The following MND1 variants were observed in gnomAD, a reference collection of about 807,000 sequenced individuals.
MND1 encodes the protein meiotic nuclear divisions 1, also known as meiotic nuclear division protein 1 homolog.
MND1 carries 28 observed loss-of-function variants against 35.1 expected under a neutral mutation model. That is an observed-to-expected ratio of 0.80 (90% CI 0.59 to 1.09). The LOEUF is 1.09. MND1 is among the 50% of genes least tolerant of loss of function. MND1 has a pLI of 0.00. For missense variants in MND1, 213 were observed against 239.6 expected, an observed-to-expected ratio of 0.89 and a Z score of 0.73; for synonymous variants, 69 against 70.5, an observed-to-expected ratio of 0.98 and a Z score of 0.11.
intron 4 of MND1, among the ~76,000 whole-genome samples, chr4:153,362,324 C>T (rs192654882): frequency 4.6e-5 from 7 of 152,214 alleles, no homozygotes; most frequent in Non-Finnish European, 5.9e-5. Flanking sequence ...ATCTTGGGGG[C>T]GGTTTCTCAT....
chr4:153,372,894 T>A (rs1328074511), intron 4 of MND1, among the ~76,000 whole-genome samples: 1 of 152,216 alleles, frequency 6.6e-6, no homozygotes, highest in Admixed American at 6.5e-5. Context: ...TGCATAGACA[T>A]TAAGGATTAT....
At chr4:153,370,482 T>A (rs1773763972) in intron 4 of MND1, among the ~76,000 whole-genome samples, 1 of 152,052 alleles carries the variant, frequency 6.6e-6, no homozygotes, top group Admixed American at 6.5e-5. Context: ...ATTATTAATG[T>A]TGATGTTTTG....
chr4:153,344,730 C>G lies in MND1; in HGVS notation c.-8C>G. On this transcript the variant is annotated 5_prime_UTR_variant, in exon 1 of 8. Coordinates refer to ENST00000240488, the MANE Select transcript of MND1 (RefSeq NM_032117.4). ...GGCCCGGCCAGCGGAAGCCCCTGCG[C>G]CCGCGCCATGGTAAGGACTGAGGCT... The G allele has an allele frequency of 6.3e-7, 1 of 1,596,062 alleles. No homozygotes were observed. The highest frequency in any genetic ancestry group is 8.5e-7 in the Non-Finnish European group (1 of 1,172,586).
rs549013557 is a variant in MND1, at chr4:153,344,840, A to C, written c.3+100A>C. The C allele has an allele frequency of 5.3e-6, 8 of 1,519,860 alleles. No homozygotes were observed. The African/African-American group carries it at 8.6e-5, about 16-fold the overall frequency. 94.1% of individuals were successfully genotyped at this position (1,519,860 alleles called of 1,614,324 possible). The stretch of plus-strand genomic sequence containing the variant: ...GGATCCCGGCCTGGCGTTGACCGCC[A>C]TTCCGGGCCGCGGGAGCGGTCGCCC... On this transcript the variant is annotated intron_variant, in intron 1 of 7. Transcript: ENST00000240488.
chr4:153,360,339 A>G (rs552208590), intron 4 of MND1, among the ~76,000 whole-genome samples: 2 of 152,052 alleles, frequency 1.3e-5, no homozygotes, highest in Non-Finnish European at 2.9e-5. Context: ...CAACTGGTCA[A>G]TTTTTTTCTT....
Position 153,397,219 on chromosome 4 carries a change from G to A in MND1, c.352G>A (p.Glu118Lys). The change falls in exon 6 of 8, where the codon GAA (glutamate) becomes AAA (lysine). Residue 118 changes from glutamate (E) to lysine (K), a missense_variant and splice_region_variant. Transcript: ENST00000240488. ...GAACATAAAACTATCTGGAATGCAGGAAGAGCGAACCAGGCTAGCAAAAGA... is the reference window on the plus strand; with the variant it reads ...GAACATAAAACTATCTGGAATGCAGAAAGAGCGAACCAGGCTAGCAAAAGA... ...EKAKIGRCET[E>K]ERTRLAKELS... 6.2e-7 allele frequency: 1 copy of A among 1,609,272 alleles called. No individual in the cohort carries two copies. The highest frequency in any genetic ancestry group is 8.5e-7 in the Non-Finnish European group (1 of 1,177,680).
intron 4 of MND1, chr4:153,381,689 TA>T (rs1728702936): frequency 3.3e-5 from 1 of 30,694 alleles, no homozygotes; most frequent in Non-Finnish European, 6.0e-5. Context: ...TATATATATA[TA>T]TATTTTTTTT....
chr4:153,358,206 A>G (rs148537871), intron 3 of MND1, among the ~76,000 whole-genome samples: 37 of 152,338 alleles, frequency 2.4e-4, no homozygotes, highest in African/African-American at 8.4e-4. Flanking sequence ...AGTTAGGATT[A>G]GAACTCAGGT....
At chr4:153,411,048 A>G (rs966515941) in intron 7 of MND1, among the ~76,000 whole-genome samples, 1 of 152,348 alleles carries the variant, frequency 6.6e-6, no homozygotes, top group East Asian at 1.9e-4. Context: ...CTGTTCAACA[A>G]TTCAGTATCT....
Position 153,398,033 on chromosome 4 carries a change from A to T in MND1, c.466+700A>T, listed in dbSNP as rs76927564. On this transcript the variant is annotated intron_variant, in intron 6 of 7. Transcript: ENST00000240488. ...ATTATCTTCTAGGAAAAATGATACC[A>T]TAAGTAGAAGAGTTTGCAAGTTGCA... 4.3e-3 allele frequency among the ~76,000 whole-genome samples: 648 copies of T among 152,348 alleles called. 7 individuals carry two copies. The highest frequency in any genetic ancestry group is 0.015 in the African/African-American group (617 of 41,576).
intron 4 of MND1, among the ~76,000 whole-genome samples, chr4:153,375,955 T>G (rs114940709): frequency 0.01 from 1,569 of 152,254 alleles, 31 homozygotes; most frequent in African/African-American, 0.035. Context: ...TTAATAATTT[T>G]AATGGGCAAG....
chr4:153,364,588 A>G (rs1413272579), intron 4 of MND1, among the ~76,000 whole-genome samples: 1 of 152,222 alleles, frequency 6.6e-6, no homozygotes, highest in African/African-American at 2.4e-5. Flanking sequence ...AGCTATTTGT[A>G]CACCCACATT....
chr4:153,381,105 T>A (rs965493050), intron 4 of MND1, among the ~76,000 whole-genome samples: 1 of 152,110 alleles, frequency 6.6e-6, no homozygotes, highest in Non-Finnish European at 1.5e-5. Context: ...TTCAACGTGT[T>A]AGCCAGGATG....
chr4:153,390,915 G>A (rs12648433), intron 4 of MND1, among the ~76,000 whole-genome samples: 34,115 of 127,732 alleles, frequency 0.27, 3,948 homozygotes, highest in African/African-American at 0.39. Flanking sequence ...GTGTGTGTGT[G>A]TATATGTGTG....
chr4:153,355,541 C>A, intron 2 of MND1, 113 bp from the exon 3 acceptor site: 1 of 650,054 alleles, frequency 1.5e-6, no homozygotes, highest in Non-Finnish European at 2.7e-6. Flanking sequence ...TCACACATAC[C>A]CTGTAAATGT....
intron 2 of MND1, among the ~76,000 whole-genome samples, chr4:153,353,231 A>G (rs534438584): frequency 1.3e-5 from 2 of 151,962 alleles, no homozygotes; most frequent in East Asian, 1.9e-4. Context: ...ACTAAGTTCA[A>G]TGACTTAATA....
intron 5 of MND1, among the ~76,000 whole-genome samples, chr4:153,395,160 G>A (rs1729164099): frequency 6.6e-6 from 1 of 152,210 alleles, no homozygotes; most frequent in Non-Finnish European, 1.5e-5. Context: ...ATAGGAATTG[G>A]AGAATAGTCA....
chr4:153,399,533 A>T (rs571474134), intron 6 of MND1, among the ~76,000 whole-genome samples: 39 of 152,272 alleles, frequency 2.6e-4, no homozygotes, highest in African/African-American at 9.4e-4. Flanking sequence ...AGTGGGGAAA[A>T]CTTGTATTTT....
At position 153,414,866 on chromosome 4, in the gene MND1, A is replaced by G. The variant is rs1024773790; in HGVS notation, c.*9A>G. ...TTGACTACATAGACTAAAATATTCC[A>G]TGGTGGTGAAGGATGTACAAGCTTG... On this transcript the variant is annotated 3_prime_UTR_variant, in exon 8 of 8. Transcript: ENST00000240488. 7 of 1,205,310 alleles carry G rather than the reference A, an allele frequency of 5.8e-6. No homozygotes were observed. Among genetic ancestry groups the G allele is most frequent in the Middle Eastern group, 2.0e-4 (1 of 5,078 alleles). 74.7% of individuals were successfully genotyped at this position (1,205,310 alleles called of 1,614,324 possible).
Sources: allele counts gnomAD v4.1 joint callset (sites outside exome capture counted in the v4.1 genomes callset), GRCh38; gene constraint gnomAD v4.1.1; transcripts MANE v1.5; gene names NCBI Gene and HGNC (gene_info 2026-07-23, HGNC 2026-07-21).